The following TRPC4 variants were observed in gnomAD, a reference collection of about 807,000 sequenced individuals.
TRPC4 encodes short transient receptor potential channel 4.
Under a neutral mutation model 99.4 loss-of-function variants are expected in TRPC4, and 49 were observed. That is an observed-to-expected ratio of 0.49 (90% confidence interval 0.39 to 0.63). TRPC4 has a LOEUF of 0.63. Ranked by LOEUF, TRPC4 falls within the 20% of genes least tolerant of loss-of-function variation. The pLI, the probability that TRPC4 is intolerant of heterozygous loss-of-function variation, is 0.00. For synonymous variants in TRPC4, 454 were observed against 425.9 expected, an observed-to-expected ratio of 1.07 and a Z score of -0.81; for missense variants, 898 against 1,152.9, an observed-to-expected ratio of 0.78 and a Z score of 3.20.
At position 37,656,251 on chromosome 13, in the gene TRPC4, G is replaced by A. The variant is rs114563090; in HGVS notation, c.1689-968C>T. Among the ~76,000 whole-genome samples the A allele has an allele frequency of 6.3e-3, 966 of 152,178 alleles. 14 individuals carry two copies. Among genetic ancestry groups the A allele is most frequent in the African/African-American group, 0.022 (918 of 41,514 alleles). ...ATACATTAATATAGTGTAATAAAAC[G>A]ATGATAGAGATTTCATACTTCTTGG... On this transcript the variant is annotated intron_variant, in intron 6 of 10. Coordinates refer to ENST00000379705, the MANE Select transcript of TRPC4 (RefSeq NM_016179.4).
intron 3 of TRPC4, among the ~76,000 whole-genome samples, chr13:37,725,975 A>T (rs1593596844): frequency 6.6e-6 from 1 of 152,242 alleles, no homozygotes; most frequent in South Asian, 2.1e-4. Context: ...AGGCAGGCGG[A>T]TCACAAGGTC....
At chr13:37,707,915 A>C (rs898879183) in intron 3 of TRPC4, among the ~76,000 whole-genome samples, 2 of 152,128 alleles carry the variant, frequency 1.3e-5, no homozygotes, top group African/African-American at 2.4e-5. Flanking sequence ...TGTAGGTCCC[A>C]AAACTGAAGG....
intron 3 of TRPC4, among the ~76,000 whole-genome samples, chr13:37,744,298 T>C (rs1566137222): frequency 6.6e-6 from 1 of 152,212 alleles, no homozygotes; most frequent in Non-Finnish European, 1.5e-5. Flanking sequence ...CATTTACCAC[T>C]TTGAACATCT....
chr13:37,842,357 AAAAAAAAAAAAAAGG>A lies in TRPC4; in HGVS notation c.-28+27223_-28+27237del, dbSNP rs1488008918. Among the ~76,000 whole-genome samples, 431 of 144,724 alleles carry A rather than the reference AAAAAAAAAAAAAAGG, an allele frequency of 3.0e-3. 3 individuals are homozygous for A. The highest frequency in any genetic ancestry group is 7.1e-3 in the Middle Eastern group (2 of 282). The allele number at this position is 144,724 out of a possible 152,430, so 94.9% of individuals were successfully genotyped here. On this transcript the variant is annotated intron_variant, in intron 1 of 10. Coordinates refer to ENST00000379705, the MANE Select transcript of TRPC4 (RefSeq NM_016179.4). ...TAGCGTCTAGCCAAAAAAAAAAAAA[AAAAAAAAAAAAAAGG>A]AAAAGGAAAAGTATAAATCGGGGGC...
chr13:37,765,551 A>G (rs1956340913), intron 2 of TRPC4, among the ~76,000 whole-genome samples: 1 of 151,484 alleles, frequency 6.6e-6, no homozygotes, highest in African/African-American at 2.4e-5. Flanking sequence ...TAATTAAAAT[A>G]CACAGTAATT....
At chr13:37,639,417 C>T in intron 8 of TRPC4, 118 bp from the exon 9 acceptor site, 4 of 1,039,554 alleles carry the variant, frequency 3.8e-6, no homozygotes, top group Non-Finnish European at 5.6e-6. Flanking sequence ...GGGAGTTTTA[C>T]TAGTCAATGG....
At chr13:37,699,780 A>C (rs2138925129) in intron 3 of TRPC4, among the ~76,000 whole-genome samples, 1 of 152,328 alleles carries the variant, frequency 6.6e-6, no homozygotes, top group Admixed American at 6.5e-5. Context: ...CATAACCAGA[A>C]GGGAAGACAA....
intron 2 of TRPC4, among the ~76,000 whole-genome samples, chr13:37,781,118 C>T (rs1257316172): frequency 6.6e-6 from 1 of 152,058 alleles, no homozygotes; most frequent in African/African-American, 2.4e-5. Context: ...CAGACATCTT[C>T]TCCAGACACA....
chr13:37,659,911 G>A (rs1457076165), intron 6 of TRPC4, among the ~76,000 whole-genome samples: 1 of 152,184 alleles, frequency 6.6e-6, no homozygotes, highest in Admixed American at 6.5e-5. Flanking sequence ...ATATGTTTTA[G>A]AGAGACTCTG....
At chr13:37,846,964 G>T (rs1958923636) in intron 1 of TRPC4, among the ~76,000 whole-genome samples, 1 of 151,842 alleles carries the variant, frequency 6.6e-6, no homozygotes, top group Admixed American at 6.6e-5. Context: ...AGACAAAAAG[G>T]TTATTACATA....
In TRPC4 at chr13:37,674,262, G is replaced by A. The variant is rs1278180109; in HGVS notation, c.1340C>T (p.Ala447Val). The change falls in exon 5 of 11, where the codon GCA becomes GTA. Residue 447 changes from alanine to valine, a missense_variant. Physicochemically the swap from Ala to Val is moderately conservative, Grantham distance 64 (BLOSUM62 0). Transcript: ENST00000379705. ...TGCAACAATTTTCAAGGAGATTGTT[G>A]CTAAATATAAGGAGTTCATTACAAA... Reference protein sequence around the residue: ...MDFVMNSLYLATISLKIVAFV... With the variant: ...MDFVMNSLYLVTISLKIVAFV... The A allele has an allele frequency of 1.9e-6, 3 of 1,593,662 alleles. No homozygotes were observed. The highest frequency in any genetic ancestry group is 2.6e-6 in the Non-Finnish European group (3 of 1,172,682).
At chr13:37,651,115 C>A in intron 8 of TRPC4, 150 bp downstream of exon 8, 1 of 838,742 alleles carries the variant, frequency 1.2e-6, no homozygotes, top group Non-Finnish European at 1.8e-6. Context: ...CAGACACTGC[C>A]TTAGTCATGG....
intron 8 of TRPC4, 108 bp downstream of exon 8, chr13:37,651,157 T>C (rs968380146): frequency 8.2e-7 from 1 of 1,217,140 alleles, no homozygotes; most frequent in Admixed American, 2.1e-5. Context: ...TGACATGCAA[T>C]CAGTAAGAAC....
At chr13:37,674,464 A>T in intron 4 of TRPC4, 97 bp from the exon 5 acceptor site, 1 of 1,332,356 alleles carries the variant, frequency 7.5e-7, no homozygotes, top group South Asian at 1.5e-5. Flanking sequence ...AAGCTACAAG[A>T]GACCACATTG....
intron 2 of TRPC4, among the ~76,000 whole-genome samples, chr13:37,782,222 C>A (rs1593729120): frequency 6.6e-6 from 1 of 152,140 alleles, no homozygotes; most frequent in East Asian, 1.9e-4. Flanking sequence ...CTTATTCATT[C>A]CTGTCTATGA....
intron 2 of TRPC4, among the ~76,000 whole-genome samples, chr13:37,773,932 T>C (rs1361342878): frequency 2.6e-5 from 4 of 151,804 alleles, no homozygotes; most frequent in Non-Finnish European, 4.4e-5. Flanking sequence ...GGGAAATACA[T>C]AACATATAAA....
intron 3 of TRPC4, among the ~76,000 whole-genome samples, chr13:37,718,549 A>G (rs1193187069): frequency 6.6e-6 from 1 of 152,134 alleles, no homozygotes; most frequent in East Asian, 1.9e-4. Context: ...ATAATAAATG[A>G]AAACATAAGA....
At chr13:37,836,844 C>T (rs995443545) in intron 1 of TRPC4, among the ~76,000 whole-genome samples, 11 of 152,300 alleles carry the variant, frequency 7.2e-5, no homozygotes, top group African/African-American at 2.2e-4. Flanking sequence ...GTCTCCAGCA[C>T]ATGTGAGAGG....
intron 4 of TRPC4, among the ~76,000 whole-genome samples, chr13:37,676,062 C>T (rs1374085555): frequency 6.6e-6 from 1 of 152,112 alleles, no homozygotes; most frequent in Non-Finnish European, 1.5e-5. Context: ...TTGCCTCAAA[C>T]CTCTACACTA....
Sources: gnomAD v4.1 joint callset for allele counts (sites outside exome capture counted in the v4.1 genomes callset) on GRCh38, gnomAD v4.1.1 for gene constraint, MANE v1.5 for transcripts, NCBI Gene and HGNC (gene_info 2026-07-23, HGNC 2026-07-21) for gene names.